The following SLC39A12 variants were observed in gnomAD, a reference collection of about 807,000 sequenced individuals.
The protein encoded by SLC39A12 is solute carrier family 39 member 12.
SLC39A12 carries 63 observed loss-of-function variants against 71.1 expected under a neutral mutation model. The observed-to-expected ratio is 0.89, with a 90% CI of 0.72 to 1.09. The LOEUF (loss-of-function observed/expected upper bound fraction) is 1.09, where lower values mean the gene tolerates loss of function less well. Among genes scored for constraint, SLC39A12 ranks in the 50% least tolerant of loss-of-function variants. SLC39A12 has a pLI of 0.00. For missense variants in SLC39A12, 892 were observed against 812.6 expected (o/e 1.10, Z -1.19); for synonymous variants, 351 against 301.3 (o/e 1.16, Z -1.71).
At position 18,021,744 on chromosome 10, in the gene SLC39A12, G is replaced by A. The variant is rs537114731; in HGVS notation, c.1947+18386G>A. ...AGTCTATGTACTTGAGTGTGTTTTT[G>A]TGGTGTCAGGTAATGGTCTTTCATT... On this transcript the variant is annotated intron_variant, in intron 12 of 12. Transcript: ENST00000377369. Among the ~76,000 whole-genome samples the A allele has an allele frequency of 1.9e-4, 29 of 152,238 alleles. 1 individual carries two copies. In the South Asian group the frequency reaches 5.2e-3, roughly 27 times the overall value.
intron 4 of SLC39A12, among the ~76,000 whole-genome samples, chr10:17,971,289 C>CCCCTCCCCTT (rs1834968267): frequency 8.1e-6 from 1 of 123,994 alleles, no homozygotes. Context: ...CCCCTCCCCT[C>CCCCTCCCCTT]CCCTCCCCTT....
At chr10:18,001,629 T>G (rs9418383) in intron 11 of SLC39A12, among the ~76,000 whole-genome samples, 139,566 of 152,334 alleles carry the variant, frequency 0.92, 64,098 homozygotes, top group African/African-American at 0.98. Flanking sequence ...GGTGGCAGAT[T>G]CTCATAAATC....
At chr10:18,007,457 A>G (rs1357297779) in intron 12 of SLC39A12, among the ~76,000 whole-genome samples, 1 of 152,162 alleles carries the variant, frequency 6.6e-6, no homozygotes, top group Non-Finnish European at 1.5e-5. Flanking sequence ...ATAGGAAAGG[A>G]GTCCTAATCC....
intron 2 of SLC39A12, among the ~76,000 whole-genome samples, chr10:17,959,596 G>A (rs1834634561): frequency 6.6e-6 from 1 of 152,106 alleles, no homozygotes; most frequent in Admixed American, 6.5e-5. Context: ...TGGGAGTCAC[G>A]ACAGGCGTTT....
chr10:18,019,353 G>T (rs540746308), intron 12 of SLC39A12, among the ~76,000 whole-genome samples: 127 of 151,892 alleles, frequency 8.4e-4, no homozygotes, highest in African/African-American at 2.9e-3. Context: ...ATTTGGCTTT[G>T]TCGAATTTCT....
intron 7 of SLC39A12, among the ~76,000 whole-genome samples, chr10:17,989,294 G>GA (rs1835481020): frequency 6.6e-6 from 1 of 152,212 alleles, no homozygotes; most frequent in Non-Finnish European, 1.5e-5. Context: ...TCAATGTTCT[G>GA]AAAATCACAA....
intron 6 of SLC39A12, among the ~76,000 whole-genome samples, chr10:17,982,134 T>G (rs564338533): frequency 6.6e-6 from 1 of 152,222 alleles, no homozygotes; most frequent in Admixed American, 6.5e-5. Flanking sequence ...AGGTGACCCA[T>G]GCTGGGAGCT....
At chr10:18,020,163 A>C (rs1056983960) in intron 12 of SLC39A12, among the ~76,000 whole-genome samples, 13 of 152,008 alleles carry the variant, frequency 8.6e-5, no homozygotes, top group African/African-American at 2.2e-4. Flanking sequence ...CCTAATATCT[A>C]TTATACCCTT....
chr10:17,967,684 C>G (rs941659170), intron 4 of SLC39A12, among the ~76,000 whole-genome samples: 3 of 151,786 alleles, frequency 2.0e-5, no homozygotes, highest in African/African-American at 7.3e-5. Context: ...GAGATCAAGA[C>G]CATCCTGGCT....
At chr10:17,953,929 C>T (rs1470239861) in intron 2 of SLC39A12, among the ~76,000 whole-genome samples, 9 of 152,188 alleles carry the variant, frequency 5.9e-5, no homozygotes, top group Non-Finnish European at 1.2e-4. Flanking sequence ...CTGATATTTG[C>T]CCAACATTGG....
intron 4 of SLC39A12, 54 bp from the exon 5 acceptor site, chr10:17,977,848 C>G: frequency 7.8e-7 from 1 of 1,286,272 alleles, no homozygotes; most frequent in South Asian, 2.1e-5. Flanking sequence ...GAAATTGTGA[C>G]TATTCGGAAC....
intron 4 of SLC39A12, among the ~76,000 whole-genome samples, chr10:17,972,821 T>G (rs147808481): frequency 3.5e-4 from 53 of 152,188 alleles, no homozygotes; most frequent in African/African-American, 1.1e-3. Context: ...TTGGAGAGTT[T>G]AGTTCATTTC....
intron 8 of SLC39A12, 54 bp from the exon 9 acceptor site, chr10:17,993,127 A>ACTACGGG (rs1407908576): frequency 7.6e-7 from 1 of 1,315,390 alleles, no homozygotes; most frequent in East Asian, 2.5e-5. Flanking sequence ...ATTGACAAAG[A>ACTACGGG]CTACACCTGT....
chr10:17,968,528 A>C (rs1457339490), intron 4 of SLC39A12, among the ~76,000 whole-genome samples: 1 of 152,126 alleles, frequency 6.6e-6, no homozygotes, highest in African/African-American at 2.4e-5. Flanking sequence ...ATTTCTTATA[A>C]GGCAGGTCTG....
chr10:18,011,785 A>G (rs185555659), intron 12 of SLC39A12, among the ~76,000 whole-genome samples: 1 of 152,390 alleles, frequency 6.6e-6, no homozygotes, highest in Non-Finnish European at 1.5e-5. Flanking sequence ...TCTTTATCTT[A>G]TAACTCACAG....
intron 4 of SLC39A12, among the ~76,000 whole-genome samples, chr10:17,977,500 C>T (rs1835139298): frequency 6.6e-6 from 1 of 152,150 alleles, no homozygotes; most frequent in Non-Finnish European, 1.5e-5. Context: ...AATTGACTGC[C>T]ATACCATAGT....
chr10:18,034,618 C>G (rs2130897921), intron 12 of SLC39A12, among the ~76,000 whole-genome samples: 1 of 151,704 alleles, frequency 6.6e-6, no homozygotes, highest in Middle Eastern at 3.4e-3. Flanking sequence ...CAGTCTGTGT[C>G]TTTTAATTGG....
intron 4 of SLC39A12, among the ~76,000 whole-genome samples, chr10:17,970,619 T>C (rs910962147): frequency 1.3e-5 from 2 of 152,152 alleles, no homozygotes; most frequent in Non-Finnish European, 2.9e-5. Flanking sequence ...CCGATTTTTG[T>C]ATGTTGATGT....
At chr10:17,970,830 A>T (rs1330805208) in intron 4 of SLC39A12, among the ~76,000 whole-genome samples, 1 of 152,030 alleles carries the variant, frequency 6.6e-6, no homozygotes, top group African/African-American at 2.4e-5. Context: ...TAGGATGTCC[A>T]GTACTATGTT....
Sources: gnomAD v4.1 joint callset for allele counts (sites outside exome capture counted in the v4.1 genomes callset) on GRCh38, gnomAD v4.1.1 for gene constraint, MANE v1.5 for transcripts, NCBI Gene and HGNC (gene_info 2026-07-23, HGNC 2026-07-21) for gene names.